RAB37: variants seen among roughly 807,000 people sequenced by gnomAD.
RAB37 encodes the protein ras-related protein Rab-37.
A neutral mutation model predicts 33.1 loss-of-function variants in RAB37; 29 were observed. The ratio of observed to expected loss-of-function variants is 0.88; its 90% CI spans 0.65 to 1.20. RAB37 has a LOEUF of 1.20. Among genes scored for constraint, RAB37 ranks in the 50% most tolerant of loss-of-function variants. The probability of loss-of-function intolerance (pLI) is 0.00; values close to 1 mark genes in which losing one functional copy is unlikely to be tolerated. For synonymous variants in RAB37, 128 were observed against 119.5 expected (o/e 1.07, Z -0.47); for missense variants, 299 against 301.1 (o/e 0.99, Z 0.05).
chr17:74,700,527 G>T (rs1015473299), intron 1 of RAB37, among the ~76,000 whole-genome samples: 1 of 152,102 alleles, frequency 6.6e-6, no homozygotes, highest in Non-Finnish European at 1.5e-5. Context: ...GATCACATGA[G>T]GTCGGGAGTT....
At chr17:74,737,911 CAGA>C (rs933825352) in intron 1 of RAB37, among the ~76,000 whole-genome samples, 4 of 152,184 alleles carry the variant, frequency 2.6e-5, no homozygotes, top group African/African-American at 9.7e-5. Context: ...CCGCTCCTCC[CAGA>C]AGGATGTTGC....
At chr17:74,717,360 T>C (rs2034177829) in intron 1 of RAB37, among the ~76,000 whole-genome samples, 1 of 152,098 alleles carries the variant, frequency 6.6e-6, no homozygotes, top group African/African-American at 2.4e-5. Flanking sequence ...AAAATAGGCG[T>C]CTCCAAAGAG....
Position 74,740,788 on chromosome 17 carries a change from AG to A in RAB37, c.116del (p.Gly39AlafsTer8), listed in dbSNP as rs1177747117. 2 of 1,613,958 alleles carry A rather than the reference AG, an allele frequency of 1.2e-6. No individual in the cohort carries two copies. Among genetic ancestry groups the A allele is most frequent in the South Asian group, 2.2e-5 (2 of 91,082 alleles). On this transcript the variant is annotated frameshift_variant, in exon 2 of 9. Transcript: ENST00000392613. LOFTEE classifies it high-confidence loss of function. ...TGKVMLLGDTGVGKTCFLIQF... is the reference protein window; with the variant it reads ...TGKVMLLGDTXVGKTCFLIQF... The stretch of plus-strand genomic sequence containing the variant: ...CCTAGGTGATGCTTCTGGGAGACAC[AG>A]GCGTCGGCAAAACATGTTTCCTGAT...
intron 1 of RAB37, among the ~76,000 whole-genome samples, chr17:74,725,672 A>G (rs951246233): frequency 4.6e-5 from 7 of 151,250 alleles, no homozygotes; most frequent in Admixed American, 1.3e-4. Flanking sequence ...CACCCAGGCT[A>G]GAGTGCAGTG....
upstream of RAB37, among the ~76,000 whole-genome samples, chr17:74,733,863 G>A (rs1212346922): frequency 6.6e-5 from 10 of 151,954 alleles, no homozygotes; most frequent in Admixed American, 4.6e-4. Flanking sequence ...GACAGTGTAC[G>A]CACCCTCCAA....
At chr17:74,699,834 C>G (rs1213591223) in intron 1 of RAB37, among the ~76,000 whole-genome samples, 1 of 152,096 alleles carries the variant, frequency 6.6e-6, no homozygotes, top group African/African-American at 2.4e-5. Flanking sequence ...AAGCACACCC[C>G]TCTCTTTCTC....
In RAB37 at chr17:74,743,348, C is replaced by T. The variant is rs373803941; in HGVS notation, c.366+8C>T. 8.1e-6 allele frequency: 13 copies of T among 1,613,618 alleles called. No homozygotes were observed. Among genetic ancestry groups the T allele is most frequent in the Non-Finnish European group, 1.0e-5 (12 of 1,179,676 alleles). ...TCTTTCGACAACATCAGGGTAGGTC[C>T]TCCCTTCCCCTGACTCCCACCCATA... On this transcript the variant is annotated splice_region_variant and intron_variant, in intron 5 of 8. Coordinates refer to ENST00000392613, the MANE Select transcript of RAB37 (RefSeq NM_001006638.3).
chr17:74,696,080 C>T (rs1021772308), intron 1 of RAB37: 1 of 1,395,816 alleles, frequency 7.2e-7, no homozygotes, highest in African/African-American at 1.4e-5. Flanking sequence ...GCCATGAGGA[C>T]AGGATACTTT....
chr17:74,696,989 C>T (rs771709291), intron 1 of RAB37, among the ~76,000 whole-genome samples: 7 of 152,046 alleles, frequency 4.6e-5, no homozygotes, highest in Non-Finnish European at 7.4e-5. Flanking sequence ...TCACCCATGC[C>T]GGAGGGCAAT....
At chr17:74,682,135 C>T (rs2031966943) in intron 1 of RAB37, among the ~76,000 whole-genome samples, 1 of 152,310 alleles carries the variant, frequency 6.6e-6, no homozygotes, top group Middle Eastern at 3.4e-3. Flanking sequence ...AGAGAACAGG[C>T]ATTATTCTTG....
chr17:74,704,669 A>G (rs1481363094), intron 1 of RAB37: 1 of 1,614,146 alleles, frequency 6.2e-7, no homozygotes, highest in Admixed American at 1.7e-5. Context: ...TTTAACAAGG[A>G]TCTTGCAGTC....
At position 74,671,558 on chromosome 17, in the gene RAB37, G is replaced by A. The variant is rs775688991; in HGVS notation, c.-29G>A. ...GAAGCGCTGACGCAGAGCGCAGGGA[G>A]AGCCGGAGCGGCGAGCTCCAAGCCT... On this transcript the variant is annotated 5_prime_UTR_variant, in exon 1 of 8. Transcript: ENST00000340415. The surrounding 1 kb of genome is among the most constrained non-coding windows in gnomAD (Gnocchi z 5.0). 2.1e-5 allele frequency: 34 copies of A among 1,612,092 alleles called. No individual in the cohort carries two copies. Among genetic ancestry groups the A allele is most frequent in the Admixed American group, 1.0e-4 (6 of 59,998 alleles).
intron 1 of RAB37, among the ~76,000 whole-genome samples, chr17:74,688,207 TG>T (rs2032091729): frequency 6.6e-6 from 1 of 152,148 alleles, no homozygotes; most frequent in African/African-American, 2.4e-5. Flanking sequence ...TTGCTTATGC[TG>T]GTCATACGTG....
intron 1 of RAB37, chr17:74,696,229 A>G (rs1319047054): frequency 6.2e-7 from 1 of 1,604,826 alleles, no homozygotes; most frequent in Admixed American, 1.7e-5. Context: ...TAAAAGACAA[A>G]CAACAATTCA....
chr17:74,745,474 C>A lies in RAB37; in HGVS notation c.*63C>A. On this transcript the variant is annotated 3_prime_UTR_variant, in exon 9 of 9. Coordinates refer to ENST00000392613, the MANE Select transcript of RAB37 (RefSeq NM_001006638.3). This position sits in a 1 kb window ranked among gnomAD's most constrained non-coding sequence, Gnocchi z 4.5. ...GGATGCAGCCTTCCCCCTCCCAGGC[C>A]TGGCTTATTCCAAGAGGCTGAGCCA... 1 of 1,368,222 alleles carries A rather than the reference C, an allele frequency of 7.3e-7. No individual in the cohort carries two copies. The highest frequency in any genetic ancestry group is 1.0e-6 in the Non-Finnish European group (1 of 959,970). The allele number at this position is 1,368,222 out of a possible 1,614,324, so 84.8% of individuals were successfully genotyped here.
rs1449283554 is a variant in RAB37 at position 74,729,933 on chromosome 17, G to T, written c.183+567G>T. On this transcript the variant is annotated intron_variant, in intron 2 of 7. Transcript: ENST00000340415. The surrounding 1 kb of genome is among the most constrained non-coding windows in gnomAD (Gnocchi z 4.2). ...ACTTAGCAGTCACACGGGTCTCAGG[G>T]AGCTGGCAGGCCCAGGTTACAGTTC... Among the ~76,000 whole-genome samples the T allele has an allele frequency of 2.0e-5, 3 of 152,228 alleles. No individual in the cohort carries two copies. The highest frequency in any genetic ancestry group is 4.4e-5 in the Non-Finnish European group (3 of 68,048).
At chr17:74,720,577 T>C (rs887897717) in intron 1 of RAB37, among the ~76,000 whole-genome samples, 1 of 152,154 alleles carries the variant, frequency 6.6e-6, no homozygotes, top group African/African-American at 2.4e-5. Context: ...TGTGACAGAC[T>C]GAGCCTCTGT....
rs753897519 is a variant in RAB37, at chr17:74,695,688, T to C, written c.72+24030T>C. On this transcript the variant is annotated intron_variant, in intron 1 of 7. Transcript: ENST00000340415. ...GTGCAACGGCAGGCCTGTGTCCCCC[T>C]GCCCCAGCCTCACAGCAGCCCCCAT... 9.9e-6 allele frequency: 16 copies of C among 1,613,172 alleles called. No homozygotes were observed. In the East Asian group the frequency reaches 3.3e-4, roughly 34 times the overall value.
chr17:74,732,867 C>T (rs547960742), upstream of RAB37, among the ~76,000 whole-genome samples: 14 of 10,236 alleles, frequency 1.4e-3, no homozygotes, highest in South Asian at 3.8e-3. Context: ...TCTTTCAACA[C>T]GCATGAGGGT....
Sources: allele counts gnomAD v4.1 joint callset (sites outside exome capture counted in the v4.1 genomes callset), GRCh38; gene constraint gnomAD v4.1.1; non-coding constraint Gnocchi (gnomAD v3.1); transcripts MANE v1.5; gene names NCBI Gene and HGNC (gene_info 2026-07-23, HGNC 2026-07-21).